Variants in ATP8A1 observed in about 807,000 individuals in gnomAD.
The protein encoded by ATP8A1 is ATPase phospholipid transporting 8A1, also known as phospholipid-transporting ATPase IA.
In ATP8A1, 90 loss-of-function variants were observed where a neutral mutation model predicts 177.7. The observed-to-expected ratio is 0.51, with a 90% CI of 0.43 to 0.60. The LOEUF (loss-of-function observed/expected upper bound fraction) is 0.60, where lower values mean the gene tolerates loss of function less well. Ranked by LOEUF, ATP8A1 falls within the 20% of genes least tolerant of loss-of-function variation. ATP8A1 has a pLI of 0.00. For missense variants in ATP8A1, 1,072 were observed against 1,392.8 expected, an observed-to-expected ratio of 0.77 and a Z score of 3.67; for synonymous variants, 493 against 485.9, an observed-to-expected ratio of 1.01 and a Z score of -0.19.
At chr4:42,433,459 T>C (rs1254389842) in intron 33 of ATP8A1, among the ~76,000 whole-genome samples, 1 of 152,174 alleles carries the variant, frequency 6.6e-6, no homozygotes, top group African/African-American at 2.4e-5. Flanking sequence ...CTCAGTTTAA[T>C]TGAACTGAAT....
chr4:42,431,868 G>A (rs1170337211), intron 33 of ATP8A1, among the ~76,000 whole-genome samples: 1 of 152,112 alleles, frequency 6.6e-6, no homozygotes, highest in East Asian at 1.9e-4. Flanking sequence ...GTCTTCTCAG[G>A]AAGCATCTTC....
intron 34 of ATP8A1, 48 bp from the exon 35 acceptor site, chr4:42,422,947 G>A (rs1171663289): frequency 1.4e-6 from 2 of 1,462,782 alleles, no homozygotes; most frequent in Non-Finnish European, 1.9e-6. Flanking sequence ...CTTCTGTGAA[G>A]ATTTTACAAA....
intron 1 of ATP8A1, among the ~76,000 whole-genome samples, chr4:42,636,304 CAA>C (rs1417453739): frequency 1.3e-5 from 2 of 152,036 alleles, no homozygotes; most frequent in Admixed American, 6.5e-5. Context: ...ACTGCAGTGA[CAA>C]AAGAGGCTTG....
At chr4:42,549,177 C>A in intron 18 of ATP8A1, 115 bp from the exon 19 acceptor site, 1 of 785,424 alleles carries the variant, frequency 1.3e-6, no homozygotes. Context: ...ACAAATTTTC[C>A]CTGCTGAAAT....
At chr4:42,474,300 G>A (rs1720815646) in intron 25 of ATP8A1, among the ~76,000 whole-genome samples, 1 of 152,146 alleles carries the variant, frequency 6.6e-6, no homozygotes, top group Non-Finnish European at 1.5e-5. Flanking sequence ...AGATGGGCAA[G>A]GTTTCTGGCT....
intron 22 of ATP8A1, among the ~76,000 whole-genome samples, chr4:42,509,432 T>C (rs1369939065): frequency 6.6e-6 from 1 of 152,224 alleles, no homozygotes; most frequent in African/African-American, 2.4e-5. Flanking sequence ...ATAGCGGCCA[T>C]ACAGGATGGG....
At chr4:42,610,143 T>C (rs1736221467) in intron 5 of ATP8A1, among the ~76,000 whole-genome samples, 2 of 149,386 alleles carry the variant, frequency 1.3e-5, no homozygotes, top group South Asian at 2.2e-4. Context: ...TCCCTACATC[T>C]CTCATTTGGC....
intron 5 of ATP8A1, among the ~76,000 whole-genome samples, chr4:42,610,423 G>A (rs1345995748): frequency 6.6e-6 from 1 of 152,040 alleles, no homozygotes; most frequent in Non-Finnish European, 1.5e-5. Context: ...CATGAAAGCA[G>A]ACTACCTGGT....
rs147535199 is a variant in ATP8A1 at position 42,410,850 on chromosome 4, T to G, written c.*2066A>C. The G allele has an allele frequency of 2.0e-5, 3 of 152,356 alleles. No homozygotes were observed. The East Asian group carries it at 5.8e-4, about 29-fold the overall frequency. The allele number at this position is 152,356 out of a possible 1,614,324, so 9.4% of individuals were successfully genotyped here. A position where few individuals can be genotyped will look rare whatever the true frequency, so the allele number is the denominator to read the frequency against. On this transcript the variant is annotated 3_prime_UTR_variant, in exon 37 of 37. Coordinates refer to ENST00000381668, the MANE Select transcript of ATP8A1 (RefSeq NM_006095.2). ...TTAAAATTCTGCAGAAGGGTGCCAC[T>G]GATGAAGTGAGCGCAAACAGAAGCA...
intron 22 of ATP8A1, among the ~76,000 whole-genome samples, chr4:42,515,419 T>A (rs1725431853): frequency 6.6e-6 from 1 of 152,222 alleles, no homozygotes; most frequent in Admixed American, 6.5e-5. Flanking sequence ...TGTTTTCCAT[T>A]AAGTTTTATA....
rs376604105 is a variant in ATP8A1 at position 42,414,251 on chromosome 4, T to C, written c.3397+376A>G. Among the ~76,000 whole-genome samples, 37 of 152,316 alleles carry C rather than the reference T, an allele frequency of 2.4e-4. No homozygotes were observed. In the East Asian group the frequency reaches 4.4e-3, roughly 18 times the overall value. On this transcript the variant is annotated intron_variant, in intron 36 of 36. Transcript: ENST00000381668. ...TCATAAATATTTCTGAAGGGGAAAA[T>C]ATATGCTTCCTTGTGTTGTATGAAA...
chr4:42,525,541 C>T (rs1726590919), intron 20 of ATP8A1, among the ~76,000 whole-genome samples: 1 of 152,170 alleles, frequency 6.6e-6, no homozygotes, highest in Non-Finnish European at 1.5e-5. Flanking sequence ...TTTACTTAAT[C>T]TGTAAAATTT....
chr4:42,635,778 C>CATAT (rs1279984098), intron 1 of ATP8A1, among the ~76,000 whole-genome samples: 50 of 33,642 alleles, frequency 1.5e-3, no homozygotes, highest in African/African-American at 4.0e-3. Context: ...CACACACACA[C>CATAT]ACACATATAT....
chr4:42,616,963 G>A lies in ATP8A1; in HGVS notation c.364-885C>T, dbSNP rs572955521. Among the ~76,000 whole-genome samples, 10 of 152,240 alleles carry A rather than the reference G, an allele frequency of 6.6e-5. No individual in the cohort carries two copies. In the South Asian group the frequency reaches 1.2e-3, roughly 19 times the overall value. On this transcript the variant is annotated intron_variant, in intron 4 of 36. Coordinates refer to ENST00000381668, the MANE Select transcript of ATP8A1 (RefSeq NM_006095.2). ...GACTCCATTAACACTGCAGAAGAGC[G>A]GTGAGTGTAACTAACTCTGTTCGCT... is the stretch of plus-strand genomic sequence containing the variant.
At chr4:42,617,720 A>AG (rs1179110225) in intron 4 of ATP8A1, among the ~76,000 whole-genome samples, 2 of 152,212 alleles carry the variant, frequency 1.3e-5, no homozygotes, top group African/African-American at 4.8e-5. Context: ...TCCACTTCAA[A>AG]GAGGAAATTT....
intron 35 of ATP8A1, among the ~76,000 whole-genome samples, chr4:42,422,016 T>C (rs1221132530): frequency 2.6e-5 from 4 of 151,812 alleles, no homozygotes; most frequent in African/African-American, 9.7e-5. Context: ...TCTAGGTCAG[T>C]TCCTAATAAC....
At chr4:42,557,465 T>C (rs189136475) in intron 15 of ATP8A1, among the ~76,000 whole-genome samples, 1 of 152,212 alleles carries the variant, frequency 6.6e-6, no homozygotes, top group Admixed American at 6.5e-5. Flanking sequence ...CACAGTAACA[T>C]CTTGCAAGAA....
intron 21 of ATP8A1, among the ~76,000 whole-genome samples, chr4:42,524,262 G>A (rs534853071): frequency 6.6e-6 from 1 of 152,292 alleles, no homozygotes; most frequent in South Asian, 2.1e-4. Flanking sequence ...CTGGCGTGTG[G>A]TAGGGGCTCT....
At chr4:42,467,257 G>C (rs1719871447) in intron 25 of ATP8A1, among the ~76,000 whole-genome samples, 1 of 152,130 alleles carries the variant, frequency 6.6e-6, no homozygotes, top group Non-Finnish European at 1.5e-5. Context: ...ATTCTGTATG[G>C]TTAAATGAGG....
Sources: gnomAD v4.1 joint callset for allele counts (sites outside exome capture counted in the v4.1 genomes callset) on GRCh38, gnomAD v4.1.1 for gene constraint, MANE v1.5 for transcripts, NCBI Gene and HGNC (gene_info 2026-07-23, HGNC 2026-07-21) for gene names.